CEP290: variants seen among roughly 807,000 people sequenced by gnomAD.
CEP290 encodes centrosomal protein 290.
In CEP290, 317 loss-of-function variants were observed where a neutral mutation model predicts 344.9. That is an observed-to-expected ratio of 0.92 (90% CI 0.84 to 1.01). The LOEUF (loss-of-function observed/expected upper bound fraction) is 1.01. Among genes scored for constraint, CEP290 ranks in the 50% least tolerant of loss-of-function variants. The pLI is 0.00. For missense variants in CEP290, 2,754 were observed against 2,761.4 expected, an observed-to-expected ratio of 1.00 and a Z score of 0.06; for synonymous variants, 932 against 895.8, an observed-to-expected ratio of 1.04 and a Z score of -0.72.
At chr12:88,128,867 C>T (rs2039891389) in intron 11 of CEP290, 79 bp downstream of exon 11, 1 of 787,322 alleles carries the variant, frequency 1.3e-6, no homozygotes, top group Non-Finnish European at 1.9e-6. Flanking sequence ...CAGTATAAGA[C>T]ATTTAAAGAA....
chr12:88,111,812 T>C lies in CEP290; in HGVS notation c.2099A>G (p.His700Arg). 6.2e-7 allele frequency: 1 copy of C among 1,605,176 alleles called. No individual in the cohort carries two copies. The highest frequency in any genetic ancestry group is 2.3e-5 in the East Asian group (1 of 44,134). The change falls in exon 21 of 54, where the codon CAT becomes CGT. Residue 700 changes from histidine (H) to arginine (R), a missense_variant. Transcript: ENST00000552810. ...NAEGIFDASL[H>R]LKAQVDQLTG... ...AAGCTGATCAACTTGGGCTTTCAAA[T>C]GCAGACTCGCATCAAAGATTCCTTC...
intron 25 of CEP290, among the ~76,000 whole-genome samples, chr12:88,104,942 T>C (rs1181482281): frequency 6.6e-6 from 1 of 152,172 alleles, no homozygotes; most frequent in Non-Finnish European, 1.5e-5. Context: ...TACCCCATAA[T>C]GTTATAATTA....
At chr12:88,106,407 T>C (rs926451225) in intron 25 of CEP290, among the ~76,000 whole-genome samples, 9 of 152,184 alleles carry the variant, frequency 5.9e-5, no homozygotes, top group African/African-American at 2.2e-4. Flanking sequence ...TTAGGCGATA[T>C]TAGAAAATTA....
Position 88,092,686 on chromosome 12 carries a change from C to T in CEP290, c.3456G>A (p.Val1152=). Residue 1152 remains valine (V), a synonymous_variant, in exon 29 of 54, where the codon GTG becomes GTA. Coordinates refer to ENST00000552810, the MANE Select transcript of CEP290 (RefSeq NM_025114.4). ...EKNEMELKVE[V]SKLREISDIA... is the part of the protein sequence containing the mutation. Reference sequence around the variant, plus strand: ...AAATGCTTATATGCACTTACTTTGACACTTCAACTTTTAGTTCCATTTCAT... The same window carrying T: ...AAATGCTTATATGCACTTACTTTGATACTTCAACTTTTAGTTCCATTTCAT... 1 of 1,607,816 alleles carries T rather than the reference C, an allele frequency of 6.2e-7. No individual in the cohort carries two copies. Among genetic ancestry groups the T allele is most frequent in the Non-Finnish European group, 8.5e-7 (1 of 1,177,658 alleles).
At chr12:88,076,122 A>G (rs2035754809) in intron 41 of CEP290, among the ~76,000 whole-genome samples, 1 of 152,190 alleles carries the variant, frequency 6.6e-6, no homozygotes, top group Non-Finnish European at 1.5e-5. Flanking sequence ...ATTTAGGGAT[A>G]AGATCAGGCC....
intron 25 of CEP290, chr12:88,103,525 T>C (rs1247987217): frequency 6.6e-6 from 1 of 152,408 alleles, no homozygotes; most frequent in Non-Finnish European, 1.5e-5. Context: ...CTGTAATAAA[T>C]AACATCAAGG....
intron 27 of CEP290, among the ~76,000 whole-genome samples, chr12:88,095,164 CCTT>C (rs1302662470): frequency 6.6e-6 from 1 of 152,036 alleles, no homozygotes; most frequent in Non-Finnish European, 1.5e-5. Context: ...ATAAAGGAGT[CCTT>C]CTCCATTCTG....
chr12:88,058,825 C>G (rs376287216), intron 49 of CEP290, 23 bp downstream of exon 49: 1 of 1,607,630 alleles, frequency 6.2e-7, no homozygotes, highest in South Asian at 1.1e-5. Flanking sequence ...AAACTTTGTA[C>G]AAGTTTAAAA....
chr12:88,108,927 T>C (rs1390925085), intron 23 of CEP290, 139 bp downstream of exon 23: 2 of 453,530 alleles, frequency 4.4e-6, no homozygotes, highest in Non-Finnish European at 7.9e-6. Context: ...TTCCTAACAG[T>C]AGTTACCAGA....
intron 5 of CEP290, among the ~76,000 whole-genome samples, chr12:88,138,461 G>A (rs888883742): frequency 6.6e-6 from 1 of 152,080 alleles, no homozygotes; most frequent in African/African-American, 2.4e-5. Context: ...AGAAGAATCA[G>A]GACTAGAACT....
intron 22 of CEP290, among the ~76,000 whole-genome samples, chr12:88,110,802 C>T (rs1204206620): frequency 6.6e-6 from 1 of 152,102 alleles, no homozygotes; most frequent in Non-Finnish European, 1.5e-5. Context: ...TTTTGTTTTC[C>T]ACCCAGCAAG....
intron 23 of CEP290, among the ~76,000 whole-genome samples, chr12:88,108,857 C>A (rs1228702898): frequency 6.6e-6 from 1 of 151,940 alleles, no homozygotes; most frequent in Non-Finnish European, 1.5e-5. Context: ...TGACTCAAAC[C>A]CAGGCAGGAT....
chr12:88,077,594 A>T, intron 40 of CEP290, 103 bp downstream of exon 40: 1 of 786,576 alleles, frequency 1.3e-6, no homozygotes, highest in Non-Finnish European at 2.0e-6. Context: ...AAGTGATTTG[A>T]AAGTCAGTTT....
At position 88,127,353 on chromosome 12, in the gene CEP290, C is replaced by T. The variant is rs545465115; in HGVS notation, c.943-915G>A. 7.9e-5 allele frequency among the ~76,000 whole-genome samples: 12 copies of T among 152,008 alleles called. No individual in the cohort carries two copies. The South Asian group carries it at 2.1e-3, about 26-fold the overall frequency. ...AACTACAAAAATTAGCTGCGCATGG[C>T]GGCACATGCCTGTAATCCCAGCTAC... On this transcript the variant is annotated intron_variant, in intron 11 of 53. Transcript: ENST00000552810.
In CEP290 at chr12:88,126,359, G is replaced by A; in HGVS notation, c.1022C>T (p.Ala341Val). The change falls in exon 12 of 54, where the codon GCT becomes GTT. Residue 341 changes from alanine to valine, a missense_variant. Transcript: ENST00000552810. ...LHNLREKLKN[A>V]QLDADKSNVM... ...ATTACTTTTATCAGCATCAAGCTGA[G>A]CATTCTTAAGTTTCTCCCTTAGGTT... The A allele has an allele frequency of 6.6e-7, 1 of 1,505,012 alleles. No homozygotes were observed. The highest frequency in any genetic ancestry group is 8.8e-7 in the Non-Finnish European group (1 of 1,131,524). The allele number at this position is 1,505,012 out of a possible 1,614,324, so 93.2% of individuals were successfully genotyped here. A position where few individuals can be genotyped will look rare whatever the true frequency, so the allele number is the denominator to read the frequency against.
chr12:88,057,608 A>G (rs1379246259), intron 49 of CEP290, among the ~76,000 whole-genome samples: 2 of 151,704 alleles, frequency 1.3e-5, no homozygotes, highest in Non-Finnish European at 2.9e-5. Flanking sequence ...CAGTGTGTAG[A>G]TGGGAAAAGT....
intron 6 of CEP290, chr12:88,136,012 A>G (rs1430327198): frequency 1.3e-5 from 2 of 152,154 alleles, no homozygotes; most frequent in East Asian, 1.9e-4. Context: ...CTTTTTTCCT[A>G]AAACTAAATT....
chr12:88,141,137 A>G, intron 2 of CEP290, 69 bp downstream of exon 2: 5 of 1,303,700 alleles, frequency 3.8e-6, no homozygotes, highest in Non-Finnish European at 5.1e-6. Context: ...AAAAAAATAA[A>G]TTCATATTTT....
At chr12:88,099,798 T>G (rs2037732381) in intron 26 of CEP290, among the ~76,000 whole-genome samples, 1 of 152,148 alleles carries the variant, frequency 6.6e-6, no homozygotes, top group African/African-American at 2.4e-5. Context: ...TCTATCCATT[T>G]TTTTCTTCCT....
Sources: gnomAD v4.1 joint callset for allele counts (sites outside exome capture counted in the v4.1 genomes callset) on GRCh38, gnomAD v4.1.1 for gene constraint, MANE v1.5 for transcripts, NCBI Gene and HGNC (gene_info 2026-07-23, HGNC 2026-07-21) for gene names.